Variants in STK33 observed in about 807,000 individuals in gnomAD.
The protein encoded by STK33 is serine/threonine-protein kinase 33.
Under a neutral mutation model 58.0 loss-of-function variants are expected in STK33, and 52 were observed. The ratio of observed to expected loss-of-function variants is 0.90; its 90% CI spans 0.72 to 1.13. The LOEUF is 1.13. STK33 is among the 50% of genes most tolerant of loss of function. STK33 has a pLI of 0.00. For missense variants in STK33, 630 were observed against 604.2 expected (o/e 1.04, Z -0.45); for synonymous variants, 215 against 200.1 (o/e 1.07, Z -0.63).
At chr11:8,381,037 C>T in the STK33 span, among the ~76,000 whole-genome samples, 2 of 152,142 alleles carry the variant, frequency 1.3e-5, no homozygotes. Context: ...TACCCTATGT[C>T]CTCACTTACA....
chr11:8,490,461 G>C (rs927273009), intron 1 of STK33, among the ~76,000 whole-genome samples: 3 of 152,176 alleles, frequency 2.0e-5, no homozygotes, highest in South Asian at 2.1e-4. Flanking sequence ...AAGGCCTGCT[G>C]CCTCTGTAGA....
intron 6 of STK33, among the ~76,000 whole-genome samples, chr11:8,471,083 A>G (rs961354768): frequency 7.9e-5 from 12 of 152,212 alleles, no homozygotes; most frequent in African/African-American, 2.9e-4. Context: ...AAGTATGCCT[A>G]TATTTTGTAA....
At chr11:8,341,446 C>T in the STK33 span, among the ~76,000 whole-genome samples, 1 of 152,234 alleles carries the variant, frequency 6.6e-6, no homozygotes, top group Non-Finnish European at 1.5e-5. Context: ...TCTTTGCTCC[C>T]GCCCCTGGGC....
intron 11 of STK33, among the ~76,000 whole-genome samples, chr11:8,451,834 A>G (rs1034563791): frequency 4.6e-5 from 7 of 152,198 alleles, no homozygotes; most frequent in Admixed American, 6.5e-5. Flanking sequence ...AAAATAGGAA[A>G]CTGCTGCTTT....
At chr11:8,401,199 C>T (rs1310251444) in intron 15 of STK33, among the ~76,000 whole-genome samples, 6 of 152,090 alleles carry the variant, frequency 3.9e-5, no homozygotes, top group African/African-American at 1.2e-4. Context: ...GGAGGCATCA[C>T]GCTACCTGAC....
chr11:8,426,433 GCAA>G (rs1179595664), intron 14 of STK33, among the ~76,000 whole-genome samples: 1 of 152,170 alleles, frequency 6.6e-6, no homozygotes, highest in African/African-American at 2.4e-5. Context: ...CTTGGAAAAT[GCAA>G]CATTTAGGCA....
At chr11:8,550,002 G>A (rs1956197990) in intron 1 of STK33, among the ~76,000 whole-genome samples, 1 of 152,094 alleles carries the variant, frequency 6.6e-6, no homozygotes, top group Non-Finnish European at 1.5e-5. Flanking sequence ...TCAAATAGAT[G>A]TCAAATATTA....
intron 2 of STK33, among the ~76,000 whole-genome samples, chr11:8,477,690 A>G (rs544245579): frequency 7.1e-4 from 108 of 151,496 alleles, no homozygotes; most frequent in Non-Finnish European, 1.3e-3. Context: ...AAAAACAGCT[A>G]TTCTTTTCTT....
intron 1 of STK33, among the ~76,000 whole-genome samples, chr11:8,502,384 G>T (rs530016978): frequency 6.6e-6 from 1 of 152,134 alleles, no homozygotes; most frequent in Non-Finnish European, 1.5e-5. Context: ...AATGGGAAAA[G>T]GACTCCCTAT....
chr11:8,549,510 G>A (rs1441018604), intron 1 of STK33, among the ~76,000 whole-genome samples: 3 of 151,634 alleles, frequency 2.0e-5, no homozygotes, highest in East Asian at 1.9e-4. Context: ...CTTGTAGAAC[G>A]AGTTTGGAGT....
the STK33 span, among the ~76,000 whole-genome samples, chr11:8,346,937 C>T: frequency 7.9e-5 from 12 of 152,216 alleles, no homozygotes; most frequent in East Asian, 2.3e-3. Flanking sequence ...AAATCATAGA[C>T]CTTTATTTTC....
intron 6 of STK33, among the ~76,000 whole-genome samples, chr11:8,468,592 C>T (rs889859571): frequency 6.6e-6 from 1 of 152,064 alleles, no homozygotes; most frequent in South Asian, 2.1e-4. Flanking sequence ...TGTTTACAAA[C>T]CTTTTGGCTT....
Position 8,473,188 on chromosome 11 carries a change from C to G in STK33, c.314G>C (p.Arg105Thr). The part of the protein sequence containing the change: ...NFTEGKVPHI[R>T]IENGAAIEEI... ...CTCAATAGCAGCTCCATTCTCAATC[C>G]TTATGTGAGGAACTTTTCCTTCTGT... Residue 105 changes from arginine to threonine, a missense_variant, in exon 6 of 16, where the codon AGG becomes ACG. Arg to Thr is a moderately conservative substitution (Grantham distance 71). Coordinates refer to ENST00000687296, the MANE Select transcript of STK33 (RefSeq NM_001352389.2). 6.2e-7 allele frequency: 1 copy of G among 1,612,794 alleles called. No homozygotes were observed. The highest frequency in any genetic ancestry group is 8.5e-7 in the Non-Finnish European group (1 of 1,179,442).
At chr11:8,389,261 G>T (rs759840405), downstream of STK33, among the ~76,000 whole-genome samples, 1 of 152,272 alleles carries the variant, frequency 6.6e-6, no homozygotes, top group East Asian at 1.9e-4. Context: ...AAAGAAGGCA[G>T]CAAATGCCCA....
At chr11:8,590,166 C>T (rs779616961) in intron 1 of STK33, among the ~76,000 whole-genome samples, 1 of 152,176 alleles carries the variant, frequency 6.6e-6, no homozygotes, top group South Asian at 2.1e-4. Flanking sequence ...ACCTTGGAGA[C>T]TGCATTAACA....
At chr11:8,354,379 C>A in the STK33 span, among the ~76,000 whole-genome samples, 1 of 151,706 alleles carries the variant, frequency 6.6e-6, no homozygotes. Flanking sequence ...CTAAGGGCAT[C>A]CAGGTGTCCT....
chr11:8,438,461 C>A (rs1944340665), intron 12 of STK33, among the ~76,000 whole-genome samples: 2 of 152,024 alleles, frequency 1.3e-5, no homozygotes, highest in South Asian at 2.1e-4. Flanking sequence ...AGAAAATAAA[C>A]CCCCTGGAGA....
At chr11:8,551,135 T>TC (rs1408699722) in intron 1 of STK33, among the ~76,000 whole-genome samples, 3 of 146,102 alleles carry the variant, frequency 2.1e-5, no homozygotes, top group South Asian at 2.1e-4. Flanking sequence ...TTCTGAATAA[T>TC]TTTTTTTTTT....
the STK33 span, among the ~76,000 whole-genome samples, chr11:8,350,080 C>T: frequency 6.6e-6 from 1 of 152,172 alleles, no homozygotes. Flanking sequence ...TGGCATTGCT[C>T]GATGGAACAC....
Sources: allele counts gnomAD v4.1 joint callset (sites outside exome capture counted in the v4.1 genomes callset), GRCh38; gene constraint gnomAD v4.1.1; transcripts MANE v1.5; gene names NCBI Gene and HGNC (gene_info 2026-07-23, HGNC 2026-07-21).